INTS9: variants seen among roughly 807,000 people sequenced by gnomAD.
INTS9 encodes the protein protein related to CPSF subunits of 74 kDa.
In INTS9, 55 loss-of-function variants were observed where a neutral mutation model predicts 79.7. The observed-to-expected ratio is 0.69, with a 90% CI of 0.56 to 0.86. The LOEUF (loss-of-function observed/expected upper bound fraction) is 0.86. Ranked by LOEUF, INTS9 falls within the 40% of genes least tolerant of loss-of-function variation. The pLI is 0.00. For synonymous variants in INTS9, 319 were observed against 325.2 expected (o/e 0.98, Z 0.20); for missense variants, 721 against 831.5 (o/e 0.87, Z 1.64).
intron 8 of INTS9, among the ~76,000 whole-genome samples, chr8:28,800,467 G>A (rs369445175): frequency 6.6e-6 from 1 of 152,324 alleles, no homozygotes; most frequent in African/African-American, 2.4e-5. Context: ...CCCACTGACA[G>A]AGCAGGCAGT....
intron 5 of INTS9, among the ~76,000 whole-genome samples, chr8:28,836,374 G>A (rs1173031663): frequency 6.6e-6 from 1 of 152,116 alleles, no homozygotes; most frequent in Non-Finnish European, 1.5e-5. Flanking sequence ...GCCAGAGGAT[G>A]ACCACAAAGG....
At chr8:28,794,673 A>G (rs1804100277) in intron 9 of INTS9, among the ~76,000 whole-genome samples, 1 of 152,236 alleles carries the variant, frequency 6.6e-6, no homozygotes, top group Non-Finnish European at 1.5e-5. Context: ...TTACATGAAA[A>G]GAATGAATTA....
chr8:28,842,898 C>A (rs1807273151), intron 4 of INTS9, among the ~76,000 whole-genome samples: 1 of 152,122 alleles, frequency 6.6e-6, no homozygotes, highest in South Asian at 2.1e-4. Context: ...CAGTCCTTTC[C>A]ATAGAGTACT....
intron 8 of INTS9, among the ~76,000 whole-genome samples, chr8:28,800,698 T>C (rs1804467204): frequency 6.6e-6 from 1 of 152,180 alleles, no homozygotes; most frequent in Non-Finnish European, 1.5e-5. Context: ...AAGTTCTGCA[T>C]GTACACATCT....
At chr8:28,878,915 G>C (rs1415631070) in intron 1 of INTS9, among the ~76,000 whole-genome samples, 1 of 151,592 alleles carries the variant, frequency 6.6e-6, no homozygotes. Flanking sequence ...GGGAGGTAGA[G>C]ATTGCAGTGA....
In INTS9 at chr8:28,771,017, C is replaced by T. The variant is rs762916301; in HGVS notation, c.1627G>A (p.Val543Met). The change falls in exon 15 of 17, where the codon GTG becomes ATG. Residue 543 changes from valine to methionine, a missense_variant. By Grantham distance (21) the Val-to-Met change is conservative. Coordinates refer to ENST00000521022, the MANE Select transcript of INTS9 (RefSeq NM_018250.4). ...TGCTTGTTATCTTTGGTGTGCAGCA[C>T]GGCCGAGACAGTTGCCAAGGAGATG... ...PGISLATVSA[V>M]LHTKDNKHLL... The T allele has an allele frequency of 1.7e-5, 28 of 1,613,452 alleles. No homozygotes were observed. Among genetic ancestry groups the T allele is most frequent in the East Asian group, 6.7e-5 (3 of 44,888 alleles).
rs531668294 is a variant in INTS9 at position 28,801,513 on chromosome 8, A to C, written c.745-4858T>G. On this transcript the variant is annotated intron_variant, in intron 8 of 16. Coordinates refer to ENST00000521022, the MANE Select transcript of INTS9 (RefSeq NM_018250.4). ...TCAAAACAAACAAACAAACAAAAAAACAAAAAAAACCCAAAAAACAAAAAC... is the reference window on the plus strand; with the variant it reads ...TCAAAACAAACAAACAAACAAAAAACCAAAAAAAACCCAAAAAACAAAAAC... 2.3e-3 allele frequency among the ~76,000 whole-genome samples: 349 copies of C among 150,752 alleles called. 1 individual carries two copies. Among genetic ancestry groups the C allele is most frequent in the African/African-American group, 7.8e-3 (317 of 40,432 alleles).
chr8:28,782,352 T>G (rs627072), intron 11 of INTS9, among the ~76,000 whole-genome samples: 130 of 152,060 alleles, frequency 8.5e-4, no homozygotes, highest in Admixed American at 1.5e-3. Context: ...GTAACCACAT[T>G]CGTCACACCA....
intron 1 of INTS9, among the ~76,000 whole-genome samples, chr8:28,887,567 T>C (rs771648129): frequency 2.6e-5 from 4 of 152,194 alleles, no homozygotes; most frequent in African/African-American, 4.8e-5. Flanking sequence ...TAATTATAAA[T>C]TTAAAACACA....
At position 28,832,962 on chromosome 8, in the gene INTS9, C is replaced by CA. The variant is rs201644024; in HGVS notation, c.488+2329dup. ...TGGGAGACAGAGCGAAACTCCATCT[C>CA]AAAAAAAAAAGGAGTAACACCACTA... On this transcript the variant is annotated intron_variant, in intron 6 of 16. Coordinates refer to ENST00000521022, the MANE Select transcript of INTS9 (RefSeq NM_018250.4). 5.5e-3 allele frequency among the ~76,000 whole-genome samples: 795 copies of CA among 143,476 alleles called. 10 individuals carry two copies. The highest frequency in any genetic ancestry group is 8.3e-3 in the Non-Finnish European group (538 of 65,206). The allele number at this position is 143,476 out of a possible 152,430, so 94.1% of individuals were successfully genotyped here.
intron 11 of INTS9, among the ~76,000 whole-genome samples, chr8:28,785,616 T>C (rs1403921038): frequency 6.6e-6 from 1 of 152,252 alleles, no homozygotes; most frequent in Non-Finnish European, 1.5e-5. Flanking sequence ...TCATCTTGTA[T>C]TTTCCAAAGA....
intron 4 of INTS9, among the ~76,000 whole-genome samples, chr8:28,838,516 C>G (rs1316443172): frequency 1.3e-5 from 2 of 152,146 alleles, no homozygotes; most frequent in Non-Finnish European, 2.9e-5. Flanking sequence ...ACCAATCTGT[C>G]AAGACGCAAT....
chr8:28,828,047 G>A (rs1806255526), intron 6 of INTS9, among the ~76,000 whole-genome samples: 1 of 152,188 alleles, frequency 6.6e-6, no homozygotes. Flanking sequence ...CCAACCAGCT[G>A]TGATTACTCC....
chr8:28,802,217 G>C lies in INTS9; in HGVS notation c.745-5562C>G, dbSNP rs146067074. On this transcript the variant is annotated intron_variant, in intron 8 of 16. Coordinates refer to ENST00000521022, the MANE Select transcript of INTS9 (RefSeq NM_018250.4). ...GATTCTTAACCTGATAAATAACAAT[G>C]GGCTTCTGAGGACTCCATAAACTCA... Among the ~76,000 whole-genome samples the C allele has an allele frequency of 2.6e-3, 397 of 152,222 alleles. 2 individuals carry two copies. The highest frequency in any genetic ancestry group is 9.2e-3 in the African/African-American group (383 of 41,540).
chr8:28,789,882 ACC>A (rs1803825858), intron 10 of INTS9, among the ~76,000 whole-genome samples: 1 of 37,656 alleles, frequency 2.7e-5, no homozygotes, highest in South Asian at 5.9e-4. Flanking sequence ...TGTCTCAAAA[ACC>A]AACCAACCAA....
At chr8:28,878,867 C>A (rs1183945621) in intron 1 of INTS9, among the ~76,000 whole-genome samples, 1 of 151,674 alleles carries the variant, frequency 6.6e-6, no homozygotes, top group Non-Finnish European at 1.5e-5. Flanking sequence ...GTAGTACCAG[C>A]TATTCTGGAG....
chr8:28,837,607 T>A (rs747142077), intron 5 of INTS9, 30 bp downstream of exon 5: 6 of 1,606,654 alleles, frequency 3.7e-6, no homozygotes, highest in South Asian at 1.1e-5. Context: ...CGCAGTCACA[T>A]CCTAGCAGGG....
At chr8:28,821,186 C>T (rs991815785) in intron 6 of INTS9, among the ~76,000 whole-genome samples, 1 of 152,092 alleles carries the variant, frequency 6.6e-6, no homozygotes, top group Admixed American at 6.6e-5. Context: ...ACAATTAGTC[C>T]GTTTTCACAC....
chr8:28,796,342 T>C (rs994166577), intron 9 of INTS9, among the ~76,000 whole-genome samples: 1 of 152,200 alleles, frequency 6.6e-6, no homozygotes, highest in African/African-American at 2.4e-5. Flanking sequence ...TACATATCTA[T>C]CTGTTCACTG....
Sources: allele counts gnomAD v4.1 joint callset (sites outside exome capture counted in the v4.1 genomes callset), GRCh38; gene constraint gnomAD v4.1.1; transcripts MANE v1.5; gene names NCBI Gene and HGNC (gene_info 2026-07-23, HGNC 2026-07-21).